CSF1R: variants seen among roughly 807,000 people sequenced by gnomAD.
CSF1R encodes the protein colony stimulating factor 1 receptor, also known as macrophage colony-stimulating factor 1 receptor.
CSF1R carries 40 observed loss-of-function variants against 110.0 expected under a neutral mutation model. That is an observed-to-expected ratio of 0.36 (90% CI 0.28 to 0.47). The LOEUF (loss-of-function observed/expected upper bound fraction) is 0.47, where lower values mean the gene tolerates loss of function less well. Ranked by LOEUF, CSF1R falls within the 20% of genes least tolerant of loss-of-function variation. The probability of loss-of-function intolerance (pLI) is 0.99; values close to 1 mark genes in which losing one functional copy is unlikely to be tolerated. For missense variants in CSF1R, 1,052 were observed against 1,253.0 expected (o/e 0.84, Z 2.42); for synonymous variants, 523 against 503.4 (o/e 1.04, Z -0.52).
rs573749605 is a variant in CSF1R, at chr5:150,071,764, C to T, written c.1083-1193G>A. Among the ~76,000 whole-genome samples the T allele has an allele frequency of 3.8e-4, 58 of 152,232 alleles. No homozygotes were observed. The South Asian group carries it at 0.011, about 28-fold the overall frequency. The stretch of plus-strand genomic sequence containing the variant: ...CCCATTAAACCGATCCATGGACCAG[C>T]CCCCTCCAAAGGGCCTACACATTCC... On this transcript the variant is annotated intron_variant, in intron 6 of 20. Transcript: ENST00000675795.
chr5:150,074,696 C>A (rs1353615474), intron 5 of CSF1R, among the ~76,000 whole-genome samples: 1 of 152,178 alleles, frequency 6.6e-6, no homozygotes, highest in East Asian at 1.9e-4. Context: ...GTCTAAAAAT[C>A]TGAAATTCAC....
intron 12 of CSF1R, 149 bp from the exon 13 acceptor site, chr5:150,061,121 G>A (rs1416979149): frequency 1.7e-6 from 1 of 593,422 alleles, no homozygotes; most frequent in African/African-American, 1.8e-5. Context: ...AGAAGGAGAA[G>A]GAAAAATGCA....
At position 150,056,252 on chromosome 5, in the gene CSF1R, G is replaced by T. The variant is rs1160102093; in HGVS notation, c.2409C>A (p.Ile803=). The T allele has an allele frequency of 6.2e-7, 1 of 1,614,040 alleles. No homozygotes were observed. Among genetic ancestry groups the T allele is most frequent in the African/African-American group, 1.3e-5 (1 of 74,924 alleles). The change falls in exon 17 of 21, where the codon ATC becomes ATA. Residue 803 remains isoleucine, a synonymous_variant. Transcript: ENST00000675795. Reference sequence around the variant, plus strand: ...TGACAATGTAGTTGGAGTCATTCATGATGTCCCTAGCCAGCCCGAAGTCCC... The same window carrying T: ...TGACAATGTAGTTGGAGTCATTCATTATGTCCCTAGCCAGCCCGAAGTCCC... ...KIGDFGLARD[I]MNDSNYIVKG... is the part of the protein sequence containing the mutation.
chr5:150,058,636 G>A (rs1004531121), intron 14 of CSF1R, among the ~76,000 whole-genome samples: 2 of 152,160 alleles, frequency 1.3e-5, no homozygotes, highest in Non-Finnish European at 2.9e-5. Context: ...GAGGCCTAGT[G>A]TGTGCCACCC....
intron 10 of CSF1R, 64 bp from the exon 11 acceptor site, chr5:150,061,913 T>C: frequency 6.2e-7 from 1 of 1,607,962 alleles, no homozygotes; most frequent in Non-Finnish European, 8.5e-7. Context: ...ACCTTGTTTC[T>C]GACCCCCAAG....
At chr5:150,060,735 C>G (rs1289324232) in intron 13 of CSF1R, 127 bp downstream of exon 13, 2 of 620,198 alleles carry the variant, frequency 3.2e-6, no homozygotes, top group Non-Finnish European at 5.7e-6. Context: ...GATGCTGTGA[C>G]CGGGATCCCC....
Position 150,077,312 on chromosome 5 carries a change from C to T in CSF1R, c.853G>A (p.Gly285Ser), listed in dbSNP as rs928018985. 2 of 1,614,220 alleles carry T rather than the reference C, an allele frequency of 1.2e-6. No individual in the cohort carries two copies. The highest frequency in any genetic ancestry group is 8.5e-7 in the Non-Finnish European group (1 of 1,180,052). ...AAGAACATGGAGGTGGAGTGCTTGC[C>T]CTGCACGTTGCTGGCCACGCAGGAG... ...NYSCVASNVQ[G>S]KHSTSMFFRV... The change falls in exon 5 of 21, where the codon GGC becomes AGC. Residue 285 changes from glycine to serine, a missense_variant. Coordinates refer to ENST00000675795, the MANE Select transcript of CSF1R (RefSeq NM_001288705.3).
intron 6 of CSF1R, among the ~76,000 whole-genome samples, chr5:150,071,690 T>G (rs1263664151): frequency 6.6e-6 from 1 of 152,126 alleles, no homozygotes; most frequent in African/African-American, 2.4e-5. Flanking sequence ...GACTACTGTG[T>G]TTTAGGGGAT....
chr5:150,094,354 T>A, intron 1 of CSF1R: 1 of 1,599,972 alleles, frequency 6.3e-7, no homozygotes, highest in Non-Finnish European at 8.5e-7. Context: ...CCAGAAACCC[T>A]TAAGAAAAAG....
intron 1 of CSF1R, among the ~76,000 whole-genome samples, chr5:150,082,197 C>G (rs1456665124): frequency 6.6e-6 from 1 of 152,240 alleles, no homozygotes; most frequent in Non-Finnish European, 1.5e-5. Context: ...CTCCTCAGCT[C>G]TGGCCCTTCC....
intron 9 of CSF1R, 76 bp downstream of exon 9, chr5:150,069,797 G>T (rs1216780739): frequency 4.7e-6 from 6 of 1,269,974 alleles, no homozygotes; most frequent in Non-Finnish European, 2.1e-6. Flanking sequence ...GGTGGGGGGT[G>T]GGGGAGGAGC....
At chr5:150,064,968 C>G (rs964227823) in intron 10 of CSF1R, among the ~76,000 whole-genome samples, 2 of 152,178 alleles carry the variant, frequency 1.3e-5, no homozygotes, top group African/African-American at 2.4e-5. Context: ...AGTGAGAGAT[C>G]AAGAGGTGGG....
At position 150,074,235 on chromosome 5, in the gene CSF1R, G is replaced by GA. The variant is rs561116341; in HGVS notation, c.890-743dup. On this transcript the variant is annotated intron_variant, in intron 5 of 20. Coordinates refer to ENST00000675795, the MANE Select transcript of CSF1R (RefSeq NM_001288705.3). The stretch of plus-strand genomic sequence containing the variant: ...TATCCATGAGCTTTTTAGCTATAAG[G>GA]AAAAAAATCCTTTTAATTAGGCCAG... Among the ~76,000 whole-genome samples the GA allele has an allele frequency of 1.8e-4, 27 of 150,672 alleles. 1 individual carries two copies. In the East Asian group the frequency reaches 4.9e-3, roughly 27 times the overall value.
At chr5:150,078,567 A>C (rs1010507973) in intron 3 of CSF1R, among the ~76,000 whole-genome samples, 2 of 152,218 alleles carry the variant, frequency 1.3e-5, no homozygotes, top group African/African-American at 2.4e-5. Context: ...TTCTTCACTA[A>C]AGTGACCTCT....
chr5:150,101,647 C>G (rs1034219721), intron 1 of CSF1R, among the ~76,000 whole-genome samples: 1 of 147,054 alleles, frequency 6.8e-6, no homozygotes, highest in African/African-American at 2.5e-5. Flanking sequence ...TCCTTGCTTG[C>G]TTTCCTTGCC....
intron 1 of CSF1R, among the ~76,000 whole-genome samples, chr5:150,100,180 TA>T (rs200162835): frequency 1.3e-4 from 19 of 148,060 alleles, no homozygotes; most frequent in Non-Finnish European, 2.4e-4. Flanking sequence ...GCCCATCTCT[TA>T]AAAAAAAATT....
At chr5:150,104,109 C>T (rs536198168) in intron 1 of CSF1R, among the ~76,000 whole-genome samples, 44 of 152,324 alleles carry the variant, frequency 2.9e-4, no homozygotes, top group Non-Finnish European at 4.7e-4. Context: ...CTTTGAGAGT[C>T]CCTGGATGGC....
At chr5:150,105,384 A>T (rs1050185080) in intron 1 of CSF1R, among the ~76,000 whole-genome samples, 8,844 of 83,770 alleles carry the variant, frequency 0.11, 573 homozygotes, top group East Asian at 0.21. Context: ...ATATATATAT[A>T]TTTTTTTTTT....
intron 5 of CSF1R, 124 bp from the exon 6 acceptor site, chr5:150,073,617 C>T: frequency 1.1e-6 from 1 of 896,412 alleles, no homozygotes; most frequent in Non-Finnish European, 1.7e-6. Flanking sequence ...ATAGTCCCCA[C>T]CACCCAAGAC....
Sources: allele counts gnomAD v4.1 joint callset (sites outside exome capture counted in the v4.1 genomes callset), GRCh38; gene constraint gnomAD v4.1.1; transcripts MANE v1.5; gene names NCBI Gene and HGNC (gene_info 2026-07-23, HGNC 2026-07-21).